Variants in RIC3 observed in about 807,000 individuals in gnomAD.
RIC3 encodes RIC3 acetylcholine receptor chaperone, also known as protein RIC-3.
RIC3 carries 28 observed loss-of-function variants against 27.3 expected under a neutral mutation model. That is an observed-to-expected ratio of 1.02 (90% CI 0.76 to 1.41). The LOEUF is 1.41. Ranked by LOEUF, RIC3 falls within the 40% of genes most tolerant of loss-of-function variation. RIC3 has a pLI of 0.00. For synonymous variants in RIC3, 184 were observed against 160.4 expected, an observed-to-expected ratio of 1.15 and a Z score of -1.11; for missense variants, 501 against 444.7, an observed-to-expected ratio of 1.13 and a Z score of -1.14.
chr11:8,156,959 CAT>C (rs1950718011), intron 1 of RIC3, among the ~76,000 whole-genome samples: 2 of 152,160 alleles, frequency 1.3e-5, no homozygotes, highest in African/African-American at 4.8e-5. Context: ...TGGTGTATAT[CAT>C]ATCTGAGAAC....
the RIC3 span, among the ~76,000 whole-genome samples, chr11:8,099,047 T>C: frequency 6.6e-6 from 1 of 152,036 alleles, no homozygotes; most frequent in African/African-American, 2.4e-5. Context: ...GGCTCTCTCC[T>C]CCTGACTTCA....
intron 1 of RIC3, among the ~76,000 whole-genome samples, chr11:8,150,282 T>G (rs1474630887): frequency 1.3e-5 from 2 of 152,306 alleles, no homozygotes; most frequent in East Asian, 3.9e-4. Flanking sequence ...TCTTCTCAAT[T>G]TATAAATCAT....
chr11:8,098,436 T>C, the RIC3 span, among the ~76,000 whole-genome samples: 5 of 152,178 alleles, frequency 3.3e-5, no homozygotes, highest in South Asian at 2.1e-4. Flanking sequence ...CACTGTCTTA[T>C]CAGATGCCAT....
the RIC3 span, chr11:8,094,048 C>G: frequency 1.2e-6 from 2 of 1,614,122 alleles, no homozygotes; most frequent in Non-Finnish European, 1.7e-6. Flanking sequence ...CTGAGCAGTT[C>G]AAGAGGCCGA....
At chr11:8,126,996 A>G in intron 4 of RIC3, 189 bp from the exon 5 acceptor site, 1 of 688,842 alleles carries the variant, frequency 1.5e-6, no homozygotes, top group Non-Finnish European at 2.4e-6. Flanking sequence ...GATTTTATAA[A>G]TGGGAAAATT....
the RIC3 span, chr11:8,098,938 C>T: frequency 5.9e-4 from 705 of 1,201,226 alleles, 7 homozygotes; most frequent in East Asian, 0.016. Context: ...GACTTGATGC[C>T]TGATCTAGGG....
At chr11:8,098,566 C>G in the RIC3 span, among the ~76,000 whole-genome samples, 1 of 152,212 alleles carries the variant, frequency 6.6e-6, no homozygotes, top group African/African-American at 2.4e-5. Flanking sequence ...TGAGTCAACT[C>G]AGAGCAAGTC....
At position 8,137,426 on chromosome 11, in the gene RIC3, T is replaced by G. The variant is rs1948553216; in HGVS notation, c.473A>C (p.Glu158Ala). The G allele has an allele frequency of 1.2e-6, 2 of 1,614,138 alleles. No homozygotes were observed. Among genetic ancestry groups the G allele is most frequent in the South Asian group, 2.2e-5 (2 of 91,086 alleles). Residue 158 changes from glutamate (E) to alanine (A), a missense_variant, in exon 4 of 6, where the codon GAA becomes GCA. Coordinates refer to ENST00000309737, the MANE Select transcript of RIC3 (RefSeq NM_001206671.4). ...GTTGATTAATTTTTCCATGGCTGCT[T>G]CTGTCTCCTTCAGTTTTTCTTGCAG... ...AQLQEKLKET[E>A]AAMEKLINRV...
In RIC3 at chr11:8,109,824, T is replaced by C. The variant is rs948705653; in HGVS notation, c.*874A>G. 5.9e-5 allele frequency: 9 copies of C among 152,296 alleles called. 1 individual carries two copies. In the South Asian group the frequency reaches 6.2e-4, roughly 11 times the overall value. 9.4% of individuals were successfully genotyped at this position (152,296 alleles called of 1,614,324 possible). A position where few individuals can be genotyped will look rare whatever the true frequency, so the allele number is the denominator to read the frequency against. Reference sequence around the variant, plus strand: ...CACAATCTTGAGCCCTCTTATAGGGTTGCAGCCTCCTCATGGCAGGACCAT... The same window carrying C: ...CACAATCTTGAGCCCTCTTATAGGGCTGCAGCCTCCTCATGGCAGGACCAT... On this transcript the variant is annotated 3_prime_UTR_variant, in exon 6 of 6. Transcript: ENST00000309737.
intron 1 of RIC3, among the ~76,000 whole-genome samples, chr11:8,140,689 T>TA (rs1948952789): frequency 6.6e-6 from 1 of 152,144 alleles, no homozygotes; most frequent in Non-Finnish European, 1.5e-5. Context: ...CTCACTAACT[T>TA]AGAGTCATCT....
the RIC3 span, chr11:8,097,463 C>T: frequency 6.2e-6 from 10 of 1,613,060 alleles, no homozygotes; most frequent in African/African-American, 8.0e-5. Context: ...CTAGGCTTTA[C>T]AGCCCTTTGA....
chr11:8,105,270 T>G (rs556828409), downstream of RIC3: 11 of 152,348 alleles, frequency 7.2e-5, no homozygotes, highest in African/African-American at 2.6e-4. Flanking sequence ...CTTCTCCAGA[T>G]AGCTGAATGA....
At chr11:8,150,156 T>G (rs909498698) in intron 1 of RIC3, among the ~76,000 whole-genome samples, 1 of 152,198 alleles carries the variant, frequency 6.6e-6, no homozygotes. Flanking sequence ...CCTGTTCCCT[T>G]TGCCCATCCC....
At chr11:8,138,476 A>C in intron 2 of RIC3, 129 bp from the exon 3 acceptor site, 1 of 569,856 alleles carries the variant, frequency 1.8e-6, no homozygotes, top group Non-Finnish European at 3.1e-6. Context: ...AAATAGCAAC[A>C]CTAGAGAAAT....
At chr11:8,121,850 A>G (rs1489332746) in intron 5 of RIC3, among the ~76,000 whole-genome samples, 2 of 152,128 alleles carry the variant, frequency 1.3e-5, no homozygotes, top group Non-Finnish European at 2.9e-5. Flanking sequence ...AAGCTACACA[A>G]TCTTTTCCCT....
chr11:8,120,065 A>C (rs1946273698), intron 5 of RIC3, among the ~76,000 whole-genome samples: 1 of 152,230 alleles, frequency 6.6e-6, no homozygotes, highest in Non-Finnish European at 1.5e-5. Context: ...GATGTGGAGA[A>C]ATAGGAAGGC....
intron 4 of RIC3, among the ~76,000 whole-genome samples, chr11:8,131,038 G>A (rs1416019656): frequency 2.6e-5 from 4 of 152,122 alleles, no homozygotes; most frequent in Admixed American, 6.6e-5. Context: ...AAAGAAAACC[G>A]AAAGGAGGCA....
chr11:8,168,485 G>A (rs1321373173), intron 1 of RIC3, among the ~76,000 whole-genome samples: 1 of 152,158 alleles, frequency 6.6e-6, no homozygotes, highest in Non-Finnish European at 1.5e-5. Flanking sequence ...GAAAGTACAC[G>A]GAAAACCTAA....
In RIC3 at chr11:8,106,368, T is replaced by G. The variant is rs1267672735; in HGVS notation, c.*4330A>C. On this transcript the variant is annotated 3_prime_UTR_variant, in exon 6 of 6. Coordinates refer to ENST00000309737, the MANE Select transcript of RIC3 (RefSeq NM_001206671.4). The stretch of plus-strand genomic sequence containing the variant: ...TAAGTAGGTGATAATAGCAAAGAGA[T>G]CATAACCTCACCAATGACATGTGGG... 6.6e-6 allele frequency: 1 copy of G among 152,206 alleles called. No homozygotes were observed. The highest frequency in any genetic ancestry group is 6.5e-5 in the Admixed American group (1 of 15,280). 9.4% of individuals were successfully genotyped at this position (152,206 alleles called of 1,614,324 possible).
Sources: allele counts gnomAD v4.1 joint callset (sites outside exome capture counted in the v4.1 genomes callset), GRCh38; gene constraint gnomAD v4.1.1; transcripts MANE v1.5; gene names NCBI Gene and HGNC (gene_info 2026-07-23, HGNC 2026-07-21).